Variants in TRAPPC12 observed in about 807,000 individuals in gnomAD.
TRAPPC12 encodes TPR repeat protein 15.
Under a neutral mutation model 69.2 loss-of-function variants are expected in TRAPPC12, and 61 were observed. The observed-to-expected ratio is 0.88, with a 90% CI of 0.72 to 1.09. TRAPPC12 has a LOEUF of 1.09. Among genes scored for constraint, TRAPPC12 ranks in the 50% least tolerant of loss-of-function variants. The pLI is 0.00. For synonymous variants in TRAPPC12, 469 were observed against 438.9 expected, an observed-to-expected ratio of 1.07 and a Z score of -0.86; for missense variants, 1,101 against 1,016.4, an observed-to-expected ratio of 1.08 and a Z score of -1.13.
Position 3,465,594 on chromosome 2 carries a change from C to G in TRAPPC12, c.1678-3C>G, listed in dbSNP as rs768677923. ...AAAGTACGTTGGGTTTTTCTTCCCA[C>G]AGGATTATGTGCTGGCCGTGGAGGC... is the stretch of plus-strand genomic sequence containing the variant. On this transcript the variant is annotated splice_region_variant and splice_polypyrimidine_tract_variant and intron_variant, in intron 8 of 11. Coordinates refer to ENST00000324266, the MANE Select transcript of TRAPPC12 (RefSeq NM_016030.6). The G allele has an allele frequency of 1.2e-6, 2 of 1,611,886 alleles. No homozygotes were observed. Among genetic ancestry groups the G allele is most frequent in the Non-Finnish European group, 1.7e-6 (2 of 1,177,914 alleles).
In TRAPPC12 at chr2:3,421,979, G is replaced by T. The variant is rs547835457; in HGVS notation, c.1263G>T (p.Thr421=). 1.9e-6 allele frequency: 3 copies of T among 1,612,942 alleles called. No homozygotes were observed. Among genetic ancestry groups the T allele is most frequent in the African/African-American group, 2.7e-5 (2 of 75,066 alleles). The change falls in exon 4 of 12, where the codon ACG becomes ACT. Residue 421 remains threonine (T), a synonymous_variant. Coordinates refer to ENST00000324266, the MANE Select transcript of TRAPPC12 (RefSeq NM_016030.6). ...AGAGCGGGCTGCTCACCAGCCACAC[G>T]ACAGATTCACTGCAGGTGAGAACAC... ...YGKSGLLTSH[T]TDSLQLWFVR...
Position 3,387,807 on chromosome 2 carries a change from C to T in TRAPPC12, c.184C>T (p.Leu62=), listed in dbSNP as rs770099655. Residue 62 remains leucine (L), a synonymous_variant, in exon 2 of 12, where the codon CTG becomes TTG. Transcript: ENST00000324266. ...SEGSSPLADK[L]NEHMMESVLI... ...AGGCTCGAGTCCTCTCGCGGACAAG[C>T]TGAACGAACACATGATGGAGAGCGT... is the stretch of plus-strand genomic sequence containing the variant. 1 of 1,613,472 alleles carries T rather than the reference C, an allele frequency of 6.2e-7. No homozygotes were observed. Among genetic ancestry groups the T allele is most frequent in the Non-Finnish European group, 8.5e-7 (1 of 1,179,630 alleles).
rs1459803726 is a variant in TRAPPC12, at chr2:3,388,206, A to T, written c.583A>T (p.Thr195Ser). The T allele has an allele frequency of 3.1e-6, 5 of 1,609,008 alleles. No individual in the cohort carries two copies. The highest frequency in any genetic ancestry group is 1.3e-5 in the African/African-American group (1 of 74,334). ...FGGASEASAR[T>S]PPQVVQPSPS... Reference sequence around the variant, plus strand: ...TGGCGCCAGCGAGGCCTCGGCCAGGACACCGCCCCAGGTCGTGCAGCCCAG... The same window carrying T: ...TGGCGCCAGCGAGGCCTCGGCCAGGTCACCGCCCCAGGTCGTGCAGCCCAG... Residue 195 changes from threonine to serine, a missense_variant, in exon 2 of 12, where the codon ACA becomes TCA. Coordinates refer to ENST00000324266, the MANE Select transcript of TRAPPC12 (RefSeq NM_016030.6).
chr2:3,387,355 G>C (rs559008405), intron 1 of TRAPPC12, among the ~76,000 whole-genome samples: 37 of 152,214 alleles, frequency 2.4e-4, no homozygotes, highest in African/African-American at 8.7e-4. Flanking sequence ...ATGGGTATAC[G>C]GGGGAATGTT....
chr2:3,403,315 C>G (rs562702844), intron 3 of TRAPPC12, among the ~76,000 whole-genome samples: 3 of 148,648 alleles, frequency 2.0e-5, no homozygotes, highest in Non-Finnish European at 4.4e-5. Flanking sequence ...TCACTGCAAC[C>G]TCCACCTCCC....
intron 3 of TRAPPC12, among the ~76,000 whole-genome samples, chr2:3,406,117 C>T (rs1661716248): frequency 6.6e-6 from 1 of 152,184 alleles, no homozygotes; most frequent in Non-Finnish European, 1.5e-5. Context: ...AAACCTTCCC[C>T]AGAGACGCTT....
At chr2:3,407,837 C>G (rs181399109) in intron 3 of TRAPPC12, among the ~76,000 whole-genome samples, 2 of 152,024 alleles carry the variant, frequency 1.3e-5, no homozygotes, top group Admixed American at 1.3e-4. Context: ...GGAGGGCCAC[C>G]AGGAAGGGGA....
intron 5 of TRAPPC12, among the ~76,000 whole-genome samples, chr2:3,433,825 T>C (rs903326062): frequency 6.6e-6 from 1 of 152,226 alleles, no homozygotes; most frequent in Non-Finnish European, 1.5e-5. Flanking sequence ...CATGGGAATC[T>C]TCCGGAAAAA....
intron 6 of TRAPPC12, among the ~76,000 whole-genome samples, chr2:3,450,581 T>C (rs9309709): frequency 0.41 from 62,572 of 151,964 alleles, 13,057 homozygotes; most frequent in East Asian, 0.59. Flanking sequence ...TGACCTCGCA[T>C]GGTGCCTGCC....
intron 2 of TRAPPC12, 36 bp from the exon 3 acceptor site, chr2:3,401,741 T>C: frequency 7.0e-7 from 1 of 1,424,420 alleles, no homozygotes; most frequent in South Asian, 1.4e-5. Flanking sequence ...GTTGACATTT[T>C]ATTGTCTTGA....
chr2:3,402,219 T>C (rs1292420331), intron 3 of TRAPPC12, among the ~76,000 whole-genome samples: 1 of 152,230 alleles, frequency 6.6e-6, no homozygotes, highest in African/African-American at 2.4e-5. Flanking sequence ...ATTTTCTGCA[T>C]TTTGTGTAGA....
chr2:3,478,885 C>T lies in TRAPPC12; in HGVS notation c.1917C>T (p.Ala639=), dbSNP rs565266722. 2 of 1,614,170 alleles carry T rather than the reference C, an allele frequency of 1.2e-6. No homozygotes were observed. The highest frequency in any genetic ancestry group is 2.7e-5 in the African/African-American group (2 of 75,058). The change falls in exon 11 of 12, where the codon GCC becomes GCT. Residue 639 remains alanine (A), a synonymous_variant. Coordinates refer to ENST00000324266, the MANE Select transcript of TRAPPC12 (RefSeq NM_016030.6). ...LHLGQNNFAE[A]HRFFTEILRM... Reference sequence around the variant, plus strand: ...TCGGGCAGAATAACTTTGCAGAAGCCCACAGGTTCTTCACAGAGATCTTAA... The same window carrying T: ...TCGGGCAGAATAACTTTGCAGAAGCTCACAGGTTCTTCACAGAGATCTTAA...
intron 3 of TRAPPC12, 80 bp downstream of exon 3, chr2:3,401,973 A>C (rs1395638542): frequency 2.1e-6 from 2 of 949,570 alleles, no homozygotes; most frequent in Non-Finnish European, 1.5e-6. Flanking sequence ...CTAGAAGTCA[A>C]TTATTTTGAA....
intron 1 of TRAPPC12, among the ~76,000 whole-genome samples, chr2:3,386,392 C>T (rs1660493338): frequency 6.6e-6 from 1 of 152,202 alleles, no homozygotes; most frequent in South Asian, 2.1e-4. Flanking sequence ...TTGTCTCATT[C>T]TTTGGCTGGT....
At chr2:3,466,579 C>T (rs2103155888) in intron 9 of TRAPPC12, among the ~76,000 whole-genome samples, 1 of 152,348 alleles carries the variant, frequency 6.6e-6, no homozygotes, top group South Asian at 2.1e-4. Flanking sequence ...AACAGCTGGT[C>T]CTCTCCCCCT....
At chr2:3,442,948 A>G (rs1007618988) in intron 5 of TRAPPC12, among the ~76,000 whole-genome samples, 1 of 152,212 alleles carries the variant, frequency 6.6e-6, no homozygotes, top group Non-Finnish European at 1.5e-5. Context: ...TCTTTATCTC[A>G]TTTATAATCA....
intron 5 of TRAPPC12, among the ~76,000 whole-genome samples, chr2:3,434,358 TTTTC>T (rs2103079055): frequency 6.6e-6 from 1 of 152,332 alleles, no homozygotes; most frequent in South Asian, 2.1e-4. Flanking sequence ...GAAGGGGTGT[TTTTC>T]TTTCTGATTT....
intron 2 of TRAPPC12, among the ~76,000 whole-genome samples, chr2:3,390,642 G>C (rs954992506): frequency 6.6e-6 from 1 of 152,218 alleles, no homozygotes; most frequent in African/African-American, 2.4e-5. Flanking sequence ...ACTATTCCGT[G>C]TGATACTTTA....
intron 5 of TRAPPC12, among the ~76,000 whole-genome samples, chr2:3,431,594 T>C (rs1414830980): frequency 2.8e-5 from 4 of 141,926 alleles, no homozygotes; most frequent in African/African-American, 1.0e-4. Context: ...TTCTTTTAGA[T>C]TTTTTTTTTT....
Sources: gnomAD v4.1 joint callset for allele counts (sites outside exome capture counted in the v4.1 genomes callset) on GRCh38, gnomAD v4.1.1 for gene constraint, MANE v1.5 for transcripts, NCBI Gene and HGNC (gene_info 2026-07-23, HGNC 2026-07-21) for gene names.